LRRC69: variants seen among roughly 807,000 people sequenced by gnomAD.
LRRC69 encodes leucine rich repeat containing 69.
A neutral mutation model predicts 37.8 loss-of-function variants in LRRC69; 42 were observed. The observed-to-expected ratio is 1.11, with a 90% CI of 0.87 to 1.44. The LOEUF (loss-of-function observed/expected upper bound fraction) is 1.44, where lower values mean the gene tolerates loss of function less well. LRRC69 is among the 40% of genes most tolerant of loss of function. The probability of loss-of-function intolerance (pLI) is 0.00; values close to 1 mark genes in which losing one functional copy is unlikely to be tolerated. For missense variants in LRRC69, 357 were observed against 401.9 expected (o/e 0.89, Z 0.96); for synonymous variants, 141 against 143.1 (o/e 0.99, Z 0.11).
chr8:91,219,076 A>T (rs1006945351), downstream of LRRC69: 17 of 663,938 alleles, frequency 2.6e-5, no homozygotes, highest in African/African-American at 3.2e-4. Flanking sequence ...TGCCCTACTT[A>T]AGATACCATG....
intron 5 of LRRC69, among the ~76,000 whole-genome samples, chr8:91,168,033 C>T (rs963480518): frequency 2.6e-5 from 4 of 151,678 alleles, no homozygotes; most frequent in African/African-American, 7.3e-5. Context: ...CATCTGGATA[C>T]AGAGGTGAAT....
chr8:91,119,386 A>G (rs549854444), intron 1 of LRRC69, among the ~76,000 whole-genome samples: 6 of 152,144 alleles, frequency 3.9e-5, no homozygotes, highest in South Asian at 2.1e-4. Context: ...ATCCTATGCT[A>G]TGAAGAATAT....
At chr8:91,170,094 G>T (rs1353935584) in intron 5 of LRRC69, among the ~76,000 whole-genome samples, 2 of 114,240 alleles carry the variant, frequency 1.8e-5, no homozygotes, top group African/African-American at 3.5e-5. Flanking sequence ...CTGAGGAATC[G>T]CCACACTGAC....
At chr8:91,102,832 C>T (rs1813244718) in exon 1 of LRRC69, 1 of 1,544,080 alleles carries the variant, frequency 6.5e-7, no homozygotes, top group Non-Finnish European at 8.7e-7. Flanking sequence ...CAGAGTTATG[C>T]AACTTGACCC....
intron 1 of LRRC69, among the ~76,000 whole-genome samples, chr8:91,121,908 C>T (rs1813630209): frequency 6.6e-6 from 1 of 151,940 alleles, no homozygotes. Context: ...CACAAAAAAA[C>T]AAAAACTAAA....
intron 6 of LRRC69, among the ~76,000 whole-genome samples, chr8:91,199,627 C>G (rs1809679894): frequency 6.6e-6 from 1 of 151,870 alleles, no homozygotes; most frequent in African/African-American, 2.4e-5. Flanking sequence ...TATTTCAATA[C>G]TACTGGGAAA....
intron 5 of LRRC69, among the ~76,000 whole-genome samples, chr8:91,147,275 T>TAG (rs1808638469): frequency 6.9e-6 from 1 of 145,818 alleles, no homozygotes; most frequent in African/African-American, 2.5e-5. Flanking sequence ...TAAACATATA[T>TAG]TATATATAAA....
intron 7 of LRRC69, chr8:91,206,675 T>C: frequency 7.8e-7 from 1 of 1,289,252 alleles, no homozygotes; most frequent in Non-Finnish European, 1.0e-6. Flanking sequence ...CTACTCTTAT[T>C]TCATGTCTCT....
At chr8:91,168,487 A>T (rs1317922470) in intron 5 of LRRC69, among the ~76,000 whole-genome samples, 1 of 151,890 alleles carries the variant, frequency 6.6e-6, no homozygotes, top group East Asian at 1.9e-4. Flanking sequence ...TGTTTTTCCT[A>T]TAAATTGGAC....
At chr8:91,105,723 TGAAAA>T (rs965289351) in intron 1 of LRRC69, among the ~76,000 whole-genome samples, 6 of 150,786 alleles carry the variant, frequency 4.0e-5, no homozygotes, top group Non-Finnish European at 7.4e-5. Context: ...CTTAGAGAAT[TGAAAA>T]GGAGAGTTTA....
intron 7 of LRRC69, among the ~76,000 whole-genome samples, chr8:91,205,200 A>G (rs1809782111): frequency 6.6e-6 from 1 of 152,182 alleles, no homozygotes. Context: ...CATACCAAGT[A>G]GAGAGATTTT....
At chr8:91,165,813 T>C (rs1054212425) in intron 5 of LRRC69, among the ~76,000 whole-genome samples, 2 of 151,836 alleles carry the variant, frequency 1.3e-5, no homozygotes, top group East Asian at 1.9e-4. Flanking sequence ...ATACTTATGG[T>C]TGACGTTTTA....
At chr8:91,105,360 A>T (rs989883922) in intron 1 of LRRC69, among the ~76,000 whole-genome samples, 1 of 151,840 alleles carries the variant, frequency 6.6e-6, no homozygotes, top group African/African-American at 2.4e-5. Flanking sequence ...GAGTTCAGAT[A>T]TACAGCTCCA....
At chr8:91,213,778 A>G (rs1446336334) in intron 7 of LRRC69, among the ~76,000 whole-genome samples, 1 of 152,180 alleles carries the variant, frequency 6.6e-6, no homozygotes, top group Non-Finnish European at 1.5e-5. Context: ...TGGAGAAGAA[A>G]GTAAACAGAA....
chr8:91,171,821 A>G (rs1809137295), intron 5 of LRRC69, among the ~76,000 whole-genome samples: 1 of 151,990 alleles, frequency 6.6e-6, no homozygotes, highest in African/African-American at 2.4e-5. Flanking sequence ...TAAGCAAACA[A>G]TAAAAGCCAA....
At chr8:91,189,771 T>C (rs1345354661) in intron 6 of LRRC69, 148 bp downstream of exon 6, 4 of 478,098 alleles carry the variant, frequency 8.4e-6, no homozygotes, top group Non-Finnish European at 1.5e-5. Flanking sequence ...ACATAATCTT[T>C]TTGACTTGCT....
intron 1 of LRRC69, among the ~76,000 whole-genome samples, chr8:91,109,584 A>G (rs1185974318): frequency 6.6e-6 from 1 of 152,028 alleles, no homozygotes; most frequent in Non-Finnish European, 1.5e-5. Context: ...TTCTTTCCTT[A>G]TGAAGCTTTT....
intron 5 of LRRC69, among the ~76,000 whole-genome samples, chr8:91,140,639 A>ATTTTT (rs71266165): frequency 3.9e-4 from 9 of 23,254 alleles, no homozygotes; most frequent in African/African-American, 1.6e-3. Flanking sequence ...TCAATATGTG[A>ATTTTT]TTTTTTTTTT....
At chr8:91,213,698 G>A (rs1031068448) in intron 7 of LRRC69, among the ~76,000 whole-genome samples, 2 of 152,210 alleles carry the variant, frequency 1.3e-5, no homozygotes, top group Non-Finnish European at 2.9e-5. Context: ...ACTGTAGGTT[G>A]TCTGGTTTGG....
Sources: allele counts gnomAD v4.1 joint callset (sites outside exome capture counted in the v4.1 genomes callset), GRCh38; gene constraint gnomAD v4.1.1; transcripts MANE v1.5; gene names NCBI Gene and HGNC (gene_info 2026-07-23, HGNC 2026-07-21).